GABRB1: variants seen among roughly 807,000 people sequenced by gnomAD.
GABRB1 encodes gamma-aminobutyric acid type A receptor subunit beta1.
GABRB1 carries 17 observed loss-of-function variants against 51.6 expected under a neutral mutation model. The observed-to-expected ratio is 0.33, with a 90% CI of 0.23 to 0.49. The LOEUF (loss-of-function observed/expected upper bound fraction) is 0.49, where lower values mean the gene tolerates loss of function less well. Ranked by LOEUF, GABRB1 falls within the 20% of genes least tolerant of loss-of-function variation. The pLI, the probability that GABRB1 is intolerant of heterozygous loss-of-function variation, is 0.99. For missense variants in GABRB1, 410 were observed against 600.6 expected, an observed-to-expected ratio of 0.68 and a Z score of 3.32; for synonymous variants, 247 against 218.9, an observed-to-expected ratio of 1.13 and a Z score of -1.14.
At chr4:47,019,676 TTTCCTTCTTTCCTTC>T (rs1560498232) in intron 1 of GABRB1, among the ~76,000 whole-genome samples, 4 of 137,732 alleles carry the variant, frequency 2.9e-5, no homozygotes, top group East Asian at 2.2e-4. Context: ...TCTTTCTTTC[TTTCCTTCTTTCCTTC>T]TTCTTTCCTT....
intron 1 of GABRB1, among the ~76,000 whole-genome samples, chr4:47,017,544 A>C (rs945894521): frequency 2.0e-5 from 3 of 152,162 alleles, no homozygotes; most frequent in African/African-American, 7.2e-5. Flanking sequence ...AATAAGAAAC[A>C]CATTGGAAAC....
chr4:47,352,913 T>C (rs1382834523), intron 5 of GABRB1, among the ~76,000 whole-genome samples: 2 of 152,212 alleles, frequency 1.3e-5, no homozygotes, highest in Non-Finnish European at 2.9e-5. Flanking sequence ...AAAAACTATG[T>C]ATTAGTCTGT....
intron 5 of GABRB1, among the ~76,000 whole-genome samples, chr4:47,353,276 G>A (rs1726428817): frequency 6.6e-6 from 1 of 152,144 alleles, no homozygotes; most frequent in African/African-American, 2.4e-5. Flanking sequence ...CTGCTACAAA[G>A]TGTAATGAAT....
intron 4 of GABRB1, among the ~76,000 whole-genome samples, chr4:47,258,533 C>A (rs1040414231): frequency 6.6e-6 from 1 of 151,898 alleles, no homozygotes; most frequent in African/African-American, 2.4e-5. Flanking sequence ...GATATGAGAA[C>A]AAACATAAGT....
Position 47,212,177 on chromosome 4 carries a change from C to T in GABRB1, c.461+50708C>T, listed in dbSNP as rs535700585. Among the ~76,000 whole-genome samples the T allele has an allele frequency of 1.1e-4, 17 of 152,280 alleles. No individual in the cohort carries two copies. The South Asian group carries it at 2.3e-3, about 20-fold the overall frequency. On this transcript the variant is annotated intron_variant, in intron 4 of 8. Transcript: ENST00000295454. ...TAATATAAAGCAACACAGCCAGCTA[C>T]GCAGATCCTCCAAGGAGAGATCTGG...
chr4:47,015,128 G>A lies in GABRB1; in HGVS notation c.-19-16786G>A, dbSNP rs1251111025. On this transcript the variant is annotated intron_variant, in intron 1 of 3. Coordinates refer to the GABRB1 transcript ENST00000513567. ...TCACCATGTTGGCCAGGCTGGTCTCGAACTCCTGACCTTGTGATCCGCCCA... is the reference window on the plus strand; with the variant it reads ...TCACCATGTTGGCCAGGCTGGTCTCAAACTCCTGACCTTGTGATCCGCCCA... Among the ~76,000 whole-genome samples, 3 of 152,060 alleles carry A rather than the reference G, an allele frequency of 2.0e-5. No homozygotes were observed. The East Asian group carries it at 5.8e-4, about 29-fold the overall frequency.
At chr4:47,111,520 C>T in intron 3 of GABRB1, among the ~76,000 whole-genome samples, 1 of 152,004 alleles carries the variant, frequency 6.6e-6, no homozygotes, top group Non-Finnish European at 1.5e-5. Context: ...AACTTGAAAT[C>T]GGTGCCTAAT....
chr4:47,139,113 T>C (rs535568821), intron 3 of GABRB1, among the ~76,000 whole-genome samples: 11 of 152,110 alleles, frequency 7.2e-5, no homozygotes, highest in African/African-American at 2.2e-4. Context: ...TTTAAATAAA[T>C]TTATCAGGAC....
intron 3 of GABRB1, among the ~76,000 whole-genome samples, chr4:47,034,252 T>A (rs1202167264): frequency 6.6e-6 from 1 of 152,178 alleles, no homozygotes; most frequent in Non-Finnish European, 1.5e-5. Context: ...TATATTGACA[T>A]ACCCCTTTTC....
chr4:47,388,000 C>T (rs912314907), intron 5 of GABRB1, among the ~76,000 whole-genome samples: 3 of 152,078 alleles, frequency 2.0e-5, no homozygotes, highest in Non-Finnish European at 4.4e-5. Context: ...AGATCTTGGC[C>T]GTTGCACTAG....
intron 4 of GABRB1, among the ~76,000 whole-genome samples, chr4:47,277,799 A>G (rs990678195): frequency 2.0e-5 from 3 of 152,096 alleles, no homozygotes; most frequent in Non-Finnish European, 4.4e-5. Flanking sequence ...ATTATGATAG[A>G]TATTAGGCCT....
Position 47,020,932 on chromosome 4 carries a change from A to G in GABRB1, c.-19-10982A>G, listed in dbSNP as rs143500213. ...TGCTCTAGTCACACTGGCCTCCTTA[A>G]ACCTACCAGACACATTCCTACTTCA... On this transcript the variant is annotated intron_variant, in intron 1 of 3. Transcript: ENST00000513567. Among the ~76,000 whole-genome samples the G allele has an allele frequency of 8.4e-3, 1,278 of 152,232 alleles. 17 individuals are homozygous for G. Among genetic ancestry groups the G allele is most frequent in the African/African-American group, 0.029 (1,188 of 41,548 alleles).
At chr4:47,082,550 G>T (rs1727893629) in intron 3 of GABRB1, among the ~76,000 whole-genome samples, 1 of 152,024 alleles carries the variant, frequency 6.6e-6, no homozygotes, top group African/African-American at 2.4e-5. Context: ...AAATTATCTT[G>T]CCTACCATCT....
intron 3 of GABRB1, among the ~76,000 whole-genome samples, chr4:47,148,109 T>C (rs1410363349): frequency 1.3e-5 from 2 of 151,928 alleles, no homozygotes; most frequent in East Asian, 1.9e-4. Context: ...AAGACCAAAC[T>C]AGATAGTAGC....
chr4:47,039,998 C>T (rs544477101), intron 3 of GABRB1, among the ~76,000 whole-genome samples: 1 of 152,196 alleles, frequency 6.6e-6, no homozygotes, highest in Non-Finnish European at 1.5e-5. Context: ...AATAGTTATT[C>T]ATCTTGGAAG....
intron 5 of GABRB1, among the ~76,000 whole-genome samples, chr4:47,380,332 A>G (rs1325498927): frequency 6.6e-6 from 1 of 152,198 alleles, no homozygotes; most frequent in East Asian, 1.9e-4. Context: ...ATAAATATTT[A>G]TATGAAATTT....
chr4:47,318,386 T>C (rs901651635), intron 4 of GABRB1, among the ~76,000 whole-genome samples: 1 of 151,994 alleles, frequency 6.6e-6, no homozygotes, highest in African/African-American at 2.4e-5. Context: ...ATCTACGTTA[T>C]ACATAAAAGC....
intron 4 of GABRB1, among the ~76,000 whole-genome samples, chr4:47,185,631 T>C (rs1719146338): frequency 6.6e-6 from 1 of 151,786 alleles, no homozygotes; most frequent in African/African-American, 2.4e-5. Flanking sequence ...TGAACTCTAG[T>C]TTTTCCTATT....
At chr4:47,002,221 A>G (rs1724253533) in intron 1 of GABRB1, among the ~76,000 whole-genome samples, 1 of 152,228 alleles carries the variant, frequency 6.6e-6, no homozygotes, top group Non-Finnish European at 1.5e-5. Context: ...CTTTTTAAAA[A>G]CATAGGCCTA....
Sources: allele counts gnomAD v4.1 joint callset (sites outside exome capture counted in the v4.1 genomes callset), GRCh38; gene constraint gnomAD v4.1.1; transcripts MANE v1.5; gene names NCBI Gene and HGNC (gene_info 2026-07-23, HGNC 2026-07-21).